The following CRIM1 variants were observed in gnomAD, a reference collection of about 807,000 sequenced individuals.
CRIM1 encodes the protein cysteine-rich motor neuron 1 protein.
Under a neutral mutation model 116.4 loss-of-function variants are expected in CRIM1, and 32 were observed. That is an observed-to-expected ratio of 0.27 (90% CI 0.21 to 0.37). The LOEUF (loss-of-function observed/expected upper bound fraction) is 0.37, where lower values mean the gene tolerates loss of function less well. Ranked by LOEUF, CRIM1 falls within the 10% of genes least tolerant of loss-of-function variation. The pLI, the probability that CRIM1 is intolerant of heterozygous loss-of-function variation, is 1.00. For missense variants in CRIM1, 1,331 were observed against 1,354.8 expected, an observed-to-expected ratio of 0.98 and a Z score of 0.28; for synonymous variants, 590 against 509.2, an observed-to-expected ratio of 1.16 and a Z score of -2.13.
chr2:36,541,129 C>T (rs1413178401), intron 14 of CRIM1, among the ~76,000 whole-genome samples: 1 of 152,144 alleles, frequency 6.6e-6, no homozygotes, highest in East Asian at 1.9e-4. Context: ...CTGTCCCATT[C>T]TTGCATCGGT....
intron 2 of CRIM1, among the ~76,000 whole-genome samples, chr2:36,408,251 T>C (rs1672958856): frequency 6.6e-6 from 1 of 152,234 alleles, no homozygotes; most frequent in African/African-American, 2.4e-5. Flanking sequence ...CTAAAAAATG[T>C]TGGTCTAATG....
chr2:36,362,190 C>T (rs559201774), intron 1 of CRIM1, among the ~76,000 whole-genome samples: 2 of 150,898 alleles, frequency 1.3e-5, no homozygotes, highest in African/African-American at 4.9e-5. Context: ...TAAATTCAAG[C>T]CAAGTAGAAG....
intron 11 of CRIM1, among the ~76,000 whole-genome samples, chr2:36,514,157 A>T (rs1039146155): frequency 5.3e-5 from 8 of 152,352 alleles, no homozygotes; most frequent in African/African-American, 1.9e-4. Flanking sequence ...ATAAAACCTT[A>T]TCACATTTAA....
At chr2:36,524,983 A>T (rs1318704186) in intron 13 of CRIM1, among the ~76,000 whole-genome samples, 2 of 152,122 alleles carry the variant, frequency 1.3e-5, no homozygotes, top group African/African-American at 4.8e-5. Context: ...TCGTAATGGT[A>T]TAGTGGACAT....
chr2:36,398,828 G>T (rs868730661), intron 2 of CRIM1, among the ~76,000 whole-genome samples: 1 of 152,104 alleles, frequency 6.6e-6, no homozygotes, highest in Non-Finnish European at 1.5e-5. Flanking sequence ...TTATATTCAG[G>T]TATATATTGT....
At position 36,471,077 on chromosome 2, in the gene CRIM1, G is replaced by T. The variant is rs562623205; in HGVS notation, c.992-5812G>T. On this transcript the variant is annotated intron_variant, in intron 5 of 16. Coordinates refer to ENST00000280527, the MANE Select transcript of CRIM1 (RefSeq NM_016441.3). ...ATTAAATGTGGAACCTGCAGAATGT[G>T]ACTGAATTGCTGCAATCTCATGATA... Among the ~76,000 whole-genome samples the T allele has an allele frequency of 3.7e-4, 56 of 152,316 alleles. No individual in the cohort carries two copies. In the South Asian group the frequency reaches 0.012, roughly 32 times the overall value.
At chr2:36,363,594 T>C (rs1669388554) in intron 1 of CRIM1, among the ~76,000 whole-genome samples, 1 of 151,472 alleles carries the variant, frequency 6.6e-6, no homozygotes, top group Non-Finnish European at 1.5e-5. Context: ...TTTGTATATT[T>C]TGAGTAATGT....
intron 5 of CRIM1, among the ~76,000 whole-genome samples, chr2:36,468,723 G>C (rs1678246028): frequency 6.6e-6 from 1 of 152,288 alleles, no homozygotes; most frequent in Non-Finnish European, 1.5e-5. Flanking sequence ...TCTACTGTTA[G>C]ATGGGTGGAT....
rs762022450 is a variant in CRIM1, at chr2:36,442,650, C to G, written c.784C>G (p.Pro262Ala). 1.4e-5 allele frequency: 22 copies of G among 1,614,054 alleles called. No homozygotes were observed. In the African/African-American group the frequency reaches 2.7e-4, roughly 20 times the overall value. Reference sequence around the variant, plus strand: ...GGACTGCAGGACTGTGGAATGCCCTCCTGTTCAGCAGACCGCGTGTCCCCC... The same window carrying G: ...GGACTGCAGGACTGTGGAATGCCCTGCTGTTCAGCAGACCGCGTGTCCCCC... ...GVDCRTVECP[P>A]VQQTACPPDS... Residue 262 changes from proline to alanine, a missense_variant, in exon 4 of 17, where the codon CCT becomes GCT. Around this residue, in one of 3 missense-constraint regions of CRIM1, gnomAD observed 690 missense variants for 676.0 expected, o/e 1.02. Transcript: ENST00000280527.
intron 13 of CRIM1, among the ~76,000 whole-genome samples, chr2:36,528,343 C>T (rs560745676): frequency 2.0e-5 from 3 of 152,238 alleles, no homozygotes; most frequent in African/African-American, 7.2e-5. Context: ...AAGCCCATGT[C>T]ACTTTGGTCA....
intron 1 of CRIM1, among the ~76,000 whole-genome samples, chr2:36,363,652 AAC>A (rs888144873): frequency 4.0e-5 from 6 of 150,950 alleles, no homozygotes; most frequent in African/African-American, 1.5e-4. Flanking sequence ...TTATAAATGT[AAC>A]CATTTATCTG....
intron 1 of CRIM1, among the ~76,000 whole-genome samples, chr2:36,357,604 A>G (rs1668940572): frequency 6.6e-6 from 1 of 151,904 alleles, no homozygotes; most frequent in African/African-American, 2.4e-5. Flanking sequence ...CGAGGCAGTG[A>G]GTTATTTTGA....
chr2:36,455,278 T>C (rs1162514237), intron 4 of CRIM1, among the ~76,000 whole-genome samples: 1 of 152,170 alleles, frequency 6.6e-6, no homozygotes, highest in Non-Finnish European at 1.5e-5. Flanking sequence ...CCACATAGAC[T>C]CTCAAGCCTC....
intron 1 of CRIM1, among the ~76,000 whole-genome samples, chr2:36,386,136 G>T (rs1439736873): frequency 6.6e-6 from 1 of 152,130 alleles, no homozygotes; most frequent in Non-Finnish European, 1.5e-5. Flanking sequence ...TTGACTAACA[G>T]ATTTTAGGTT....
chr2:36,474,733 A>G (rs1039325160), intron 5 of CRIM1, among the ~76,000 whole-genome samples: 1 of 151,418 alleles, frequency 6.6e-6, no homozygotes, highest in African/African-American at 2.4e-5. Context: ...CTGTAGTCCC[A>G]GATACTTGGG....
Position 36,548,674 on chromosome 2 carries a change from G to A in CRIM1, c.3084G>A (p.Gln1028=), listed in dbSNP as rs762420210. ...GCATGCAAAAACAGAACCATCTACA[G>A]GCAGACAATTTCTACCAAACAGTGT... The part of the protein sequence containing the change: ...FYSMQKQNHL[Q]ADNFYQTV The change falls in exon 17 of 17, where the codon CAG becomes CAA. Residue 1028 remains glutamine (Q), a synonymous_variant. Transcript: ENST00000280527. 7 of 1,599,112 alleles carry A rather than the reference G, an allele frequency of 4.4e-6. No homozygotes were observed. The highest frequency in any genetic ancestry group is 4.3e-6 in the Non-Finnish European group (5 of 1,175,706).
intron 1 of CRIM1, among the ~76,000 whole-genome samples, chr2:36,374,716 G>A (rs1002356773): frequency 2.6e-5 from 4 of 152,088 alleles, no homozygotes; most frequent in Non-Finnish European, 4.4e-5. Context: ...CTATGTAGTC[G>A]TAATGGAATT....
At chr2:36,531,389 G>C (rs571382467) in intron 13 of CRIM1, among the ~76,000 whole-genome samples, 5 of 151,188 alleles carry the variant, frequency 3.3e-5, no homozygotes, top group Non-Finnish European at 7.4e-5. Context: ...ATGCGTTTTT[G>C]GTTTTTGGTT....
intron 2 of CRIM1, among the ~76,000 whole-genome samples, chr2:36,440,732 C>T (rs891077191): frequency 6.6e-6 from 1 of 152,192 alleles, no homozygotes; most frequent in Non-Finnish European, 1.5e-5. Flanking sequence ...GCTGCCACAT[C>T]GTAAAGTCAC....
Sources: gnomAD v4.1 joint callset for allele counts (sites outside exome capture counted in the v4.1 genomes callset) on GRCh38, gnomAD v4.1.1 for gene constraint, gnomAD v4.1.1 regional missense constraint, MANE v1.5 for transcripts, NCBI Gene and HGNC (gene_info 2026-07-23, HGNC 2026-07-21) for gene names.